Variants in ADGRL3 observed in about 807,000 individuals in gnomAD.
The protein encoded by ADGRL3 is adhesion G protein-coupled receptor L3, also known as calcium-independent alpha-latrotoxin receptor 3.
A neutral mutation model predicts 153.5 loss-of-function variants in ADGRL3; 62 were observed. The observed-to-expected ratio is 0.40, with a 90% CI of 0.33 to 0.50. The LOEUF (loss-of-function observed/expected upper bound fraction) is 0.50. Among genes scored for constraint, ADGRL3 ranks in the 20% least tolerant of loss-of-function variants. The pLI is 0.47. For synonymous variants in ADGRL3, 710 were observed against 672.5 expected, an observed-to-expected ratio of 1.06 and a Z score of -0.86; for missense variants, 1,641 against 1,859.4, an observed-to-expected ratio of 0.88 and a Z score of 2.16.
intron 4 of ADGRL3, among the ~76,000 whole-genome samples, chr4:61,567,808 G>A (rs1022785984): frequency 5.3e-5 from 8 of 152,126 alleles, no homozygotes; most frequent in African/African-American, 1.9e-4. Flanking sequence ...AACTATTGAA[G>A]TTGCACCTCA....
intron 11 of ADGRL3, among the ~76,000 whole-genome samples, chr4:61,908,884 A>T (rs140082955): frequency 6.6e-6 from 1 of 152,142 alleles, no homozygotes; most frequent in Non-Finnish European, 1.5e-5. Context: ...TGTTCTAGTG[A>T]TGATGAGGTA....
At position 61,940,020 on chromosome 4, in the gene ADGRL3, G is replaced by A. The variant is rs1248350131; in HGVS notation, c.2419+3975G>A. On this transcript the variant is annotated intron_variant, in intron 15 of 26. Transcript: ENST00000683033. ...ATGTATACATGTGCCATGCTGGTGC[G>A]CTGCACCCACTAATGTGTCATCTAG... 3.9e-3 allele frequency among the ~76,000 whole-genome samples: 550 copies of A among 141,118 alleles called. 2 individuals are homozygous for A. The highest frequency in any genetic ancestry group is 0.014 in the African/African-American group (526 of 37,640). The allele number at this position is 141,118 out of a possible 152,430, so 92.6% of individuals were successfully genotyped here.
intron 4 of ADGRL3, among the ~76,000 whole-genome samples, chr4:61,583,208 G>A (rs1332590530): frequency 1.3e-5 from 2 of 151,932 alleles, no homozygotes; most frequent in African/African-American, 4.8e-5. Flanking sequence ...GGTTACCTTG[G>A]CAAGTCTCTG....
At chr4:61,686,298 G>A (rs1473327006) in intron 6 of ADGRL3, among the ~76,000 whole-genome samples, 2 of 152,014 alleles carry the variant, frequency 1.3e-5, no homozygotes, top group African/African-American at 4.8e-5. Context: ...AGTATTTGTT[G>A]CTGAAAAGAT....
intron 11 of ADGRL3, among the ~76,000 whole-genome samples, chr4:61,904,911 A>G (rs896743519): frequency 4.6e-5 from 7 of 152,206 alleles, no homozygotes; most frequent in Non-Finnish European, 8.8e-5. Context: ...AAAACCTCAG[A>G]GGTCCATCAA....
chr4:61,843,022 C>G (rs916671324), intron 9 of ADGRL3, among the ~76,000 whole-genome samples: 6 of 151,876 alleles, frequency 4.0e-5, no homozygotes, highest in Non-Finnish European at 7.4e-5. Context: ...TTATTACCTC[C>G]TGTATACTGG....
intron 21 of ADGRL3, among the ~76,000 whole-genome samples, chr4:62,015,879 C>G (rs1444310186): frequency 2.0e-5 from 3 of 151,510 alleles, no homozygotes; most frequent in Non-Finnish European, 4.4e-5. Context: ...TTAATTTTTC[C>G]TTTTGGTACA....
intron 1 of ADGRL3, among the ~76,000 whole-genome samples, chr4:61,261,333 T>TC (rs1197551252): frequency 6.6e-6 from 1 of 151,798 alleles, no homozygotes; most frequent in Non-Finnish European, 1.5e-5. Flanking sequence ...CACCTTGCCC[T>TC]CCTGTATACT....
chr4:61,394,591 G>C (rs980068442), intron 2 of ADGRL3, among the ~76,000 whole-genome samples: 1 of 151,598 alleles, frequency 6.6e-6, no homozygotes, highest in African/African-American at 2.4e-5. Flanking sequence ...AAAAAATTAC[G>C]TATCTTCCCT....
At chr4:61,461,781 G>A (rs1295696333) in intron 2 of ADGRL3, among the ~76,000 whole-genome samples, 3 of 152,142 alleles carry the variant, frequency 2.0e-5, no homozygotes, top group Non-Finnish European at 4.4e-5. Context: ...AAACACTGTT[G>A]TGTAACAAAT....
intron 24 of ADGRL3, among the ~76,000 whole-genome samples, chr4:62,042,330 A>G (rs1728805660): frequency 6.6e-6 from 1 of 151,914 alleles, no homozygotes; most frequent in South Asian, 2.1e-4. Flanking sequence ...TGTTGGGGGA[A>G]TGTAGTAGGG....
chr4:61,624,943 C>T (rs996093807), intron 5 of ADGRL3, among the ~76,000 whole-genome samples: 5 of 151,846 alleles, frequency 3.3e-5, no homozygotes, highest in South Asian at 2.1e-4. Context: ...AGTAGATATG[C>T]CTCATTAATG....
At chr4:61,711,092 G>A (rs2095970946) in intron 6 of ADGRL3, among the ~76,000 whole-genome samples, 2 of 152,018 alleles carry the variant, frequency 1.3e-5, no homozygotes, top group Non-Finnish European at 2.9e-5. Flanking sequence ...CCAAGAGTTG[G>A]ACATTGTGCC....
intron 1 of ADGRL3, among the ~76,000 whole-genome samples, chr4:61,334,923 A>G (rs2095646721): frequency 6.6e-6 from 1 of 152,136 alleles, no homozygotes; most frequent in Admixed American, 6.6e-5. Flanking sequence ...GATGTTGAAT[A>G]AAATTTTACC....
intron 2 of ADGRL3, among the ~76,000 whole-genome samples, chr4:61,470,014 T>C (rs2152677652): frequency 6.6e-6 from 1 of 152,170 alleles, no homozygotes; most frequent in South Asian, 2.1e-4. Flanking sequence ...TTTATCATTA[T>C]AGATTTTACA....
intron 8 of ADGRL3, among the ~76,000 whole-genome samples, chr4:61,808,013 C>A (rs543616443): frequency 6.6e-6 from 1 of 152,194 alleles, no homozygotes; most frequent in Non-Finnish European, 1.5e-5. Context: ...CAAAATGTTC[C>A]TCCTGTCCCC....
chr4:61,256,310 C>G (rs1294477009), intron 1 of ADGRL3, among the ~76,000 whole-genome samples: 5 of 151,830 alleles, frequency 3.3e-5, no homozygotes, highest in Non-Finnish European at 7.4e-5. Context: ...AAATGTATGC[C>G]TCTTCTTTCC....
intron 4 of ADGRL3, among the ~76,000 whole-genome samples, chr4:61,544,953 TG>T (rs2098706934): frequency 6.6e-6 from 1 of 152,216 alleles, no homozygotes; most frequent in African/African-American, 2.4e-5. Flanking sequence ...TTGCTAAAAA[TG>T]TTAAAACACA....
At chr4:61,645,228 G>A (rs1383543506) in intron 5 of ADGRL3, among the ~76,000 whole-genome samples, 5 of 152,086 alleles carry the variant, frequency 3.3e-5, no homozygotes, top group South Asian at 2.1e-4. Context: ...ATGGGTCTTG[G>A]CTCTTTATCC....
Sources: gnomAD v4.1 joint callset for allele counts (sites outside exome capture counted in the v4.1 genomes callset) on GRCh38, gnomAD v4.1.1 for gene constraint, MANE v1.5 for transcripts, NCBI Gene and HGNC (gene_info 2026-07-23, HGNC 2026-07-21) for gene names.